The following SLC22A7 variants were observed in gnomAD, a reference collection of about 807,000 sequenced individuals.
SLC22A7 encodes the protein hOAT2.
In SLC22A7, 48 loss-of-function variants were observed where a neutral mutation model predicts 62.2. The observed-to-expected ratio is 0.77, with a 90% confidence interval of 0.61 to 0.98. The LOEUF (loss-of-function observed/expected upper bound fraction) is 0.98, where lower values mean the gene tolerates loss of function less well. Among genes scored for constraint, SLC22A7 ranks in the 50% least tolerant of loss-of-function variants. SLC22A7 has a pLI of 0.00. For missense variants in SLC22A7, 581 were observed against 703.8 expected (o/e 0.83, Z 1.97); for synonymous variants, 276 against 314.8 (o/e 0.88, Z 1.30).
At position 43,305,379 on chromosome 6, in the gene SLC22A7, G is replaced by C; in HGVS notation, c.*654G>C. 3 of 237,954 alleles carry C rather than the reference G, an allele frequency of 1.3e-5. No homozygotes were observed. The highest frequency in any genetic ancestry group is 2.5e-5 in the Non-Finnish European group (3 of 122,184). The allele number at this position is 237,954 out of a possible 1,614,324, so 14.7% of individuals were successfully genotyped here. ...TCTCATGGCTGGCCCTGCTACCTCC[G>C]AGGCACCCTGCAGGGCAATGCATGT... On this transcript the variant is annotated 3_prime_UTR_variant, in exon 11 of 11. Transcript: ENST00000372585.
intron 5 of SLC22A7, 56 bp downstream of exon 5, chr6:43,300,122 A>C (rs1235472984): frequency 6.4e-7 from 1 of 1,561,778 alleles, no homozygotes; most frequent in Non-Finnish European, 8.8e-7. Flanking sequence ...AGATGAGATT[A>C]ATCAGAGCCT....
chr6:43,303,680 A>G (rs1183757752), intron 9 of SLC22A7, among the ~76,000 whole-genome samples: 2 of 152,094 alleles, frequency 1.3e-5, no homozygotes, highest in Non-Finnish European at 1.5e-5. Context: ...GCATCTGGTC[A>G]TGTTTAGAAA....
At chr6:43,300,539 C>A (rs1159793334) in intron 5 of SLC22A7, among the ~76,000 whole-genome samples, 1 of 152,186 alleles carries the variant, frequency 6.6e-6, no homozygotes, top group Non-Finnish European at 1.5e-5. Flanking sequence ...GTGCTGGGAG[C>A]TGGTCTTGAG....
intron 9 of SLC22A7, chr6:43,303,250 C>T (rs1778817433): frequency 2.8e-6 from 2 of 707,822 alleles, no homozygotes; most frequent in Non-Finnish European, 3.5e-6. Flanking sequence ...CACTGAAGGT[C>T]AGGAATTCGA....
upstream of SLC22A7, among the ~76,000 whole-genome samples, chr6:43,296,914 G>A (rs1048280511): frequency 1.3e-5 from 2 of 152,134 alleles, no homozygotes; most frequent in Non-Finnish European, 2.9e-5. Flanking sequence ...GGGTTGAAAG[G>A]GGTGAGACTG....
upstream of SLC22A7, chr6:43,298,201 C>T (rs1012871126): frequency 6.2e-6 from 4 of 648,298 alleles, no homozygotes; most frequent in African/African-American, 7.4e-5. Context: ...CTGGGGAGGG[C>T]CCAGTCCTGG....
At chr6:43,301,317 T>A in intron 6 of SLC22A7, 59 bp downstream of exon 6, 1 of 1,603,274 alleles carries the variant, frequency 6.2e-7, no homozygotes, top group Non-Finnish European at 8.5e-7. Flanking sequence ...GTGGGCTGTG[T>A]CAAGTGCCTC....
chr6:43,303,182 C>T lies in SLC22A7; in HGVS notation c.1385+419C>T, dbSNP rs956430591. On this transcript the variant is annotated intron_variant, in intron 9 of 10. Coordinates refer to ENST00000372585, the MANE Select transcript of SLC22A7 (RefSeq NM_153320.2). ...CTCCTTAAGAAAACAACCCCAAGGC[C>T]GGGCACTGTGGCTCACGCCTGTAAT... The T allele has an allele frequency of 1.2e-5, 12 of 985,012 alleles. No individual in the cohort carries two copies. The Admixed American group carries it at 1.8e-4, about 15-fold the overall frequency. The allele number at this position is 985,012 out of a possible 1,614,324, so 61.0% of individuals were successfully genotyped here.
chr6:43,299,893 C>A lies in SLC22A7; in HGVS notation c.659-5C>A. 6.2e-7 allele frequency: 1 copy of A among 1,614,154 alleles called. No individual in the cohort carries two copies. The highest frequency in any genetic ancestry group is 8.5e-7 in the Non-Finnish European group (1 of 1,180,020). ...ACCATCTTCCTGTCTCCTGTCCTGG[C>A]CCAGAGCTGGAGTGGCTGGATGTGG... is the stretch of plus-strand genomic sequence containing the variant. On this transcript the variant is annotated splice_region_variant and splice_polypyrimidine_tract_variant and intron_variant, in intron 4 of 10. Transcript: ENST00000372585. The surrounding 1 kb of genome is among the most constrained non-coding windows in gnomAD (Gnocchi z 4.4).
intron 7 of SLC22A7, 49 bp downstream of exon 7, chr6:43,301,741 C>T: frequency 7.4e-7 from 1 of 1,358,646 alleles, no homozygotes. Flanking sequence ...GAGGGAGGAG[C>T]AAACTCCAGG....
At chr6:43,301,375 C>A in intron 6 of SLC22A7, 117 bp downstream of exon 6, 2 of 1,454,166 alleles carry the variant, frequency 1.4e-6, no homozygotes, top group Non-Finnish European at 1.9e-6. Context: ...TGGGCCCCCA[C>A]AGAGAGTTCC....
chr6:43,304,509 C>A, intron 10 of SLC22A7, 162 bp from the exon 11 acceptor site: 1 of 625,432 alleles, frequency 1.6e-6, no homozygotes, highest in Non-Finnish European at 2.8e-6. Flanking sequence ...CTCAAGTATG[C>A]CTACACATCA....
rs764779971 is a variant in SLC22A7 at position 43,298,392 on chromosome 6, G to A, written c.34G>A (p.Gly12Ser). The A allele has an allele frequency of 1.3e-5, 21 of 1,613,212 alleles. No individual in the cohort carries two copies. Among genetic ancestry groups the A allele is most frequent in the African/African-American group, 8.0e-5 (6 of 74,920 alleles). ...GFEELLEQVGGFGPFQLRNVA... is the reference protein window; with the variant it reads ...GFEELLEQVGSFGPFQLRNVA... ...TGAGGAGCTGCTGGAGCAGGTGGGCGGCTTTGGGCCCTTCCAACTGCGGAA... is the reference window on the plus strand; with the variant it reads ...TGAGGAGCTGCTGGAGCAGGTGGGCAGCTTTGGGCCCTTCCAACTGCGGAA... Residue 12 changes from glycine to serine, a missense_variant, in exon 1 of 11, where the codon GGC becomes AGC. Physicochemically the swap from Gly to Ser is moderately conservative, Grantham distance 56. Transcript: ENST00000372585.
chr6:43,302,820 C>G lies in SLC22A7; in HGVS notation c.1385+57C>G. 8.6e-7 allele frequency: 1 copy of G among 1,160,664 alleles called. No homozygotes were observed. Among genetic ancestry groups the G allele is most frequent in the South Asian group, 1.3e-5 (1 of 77,768 alleles). The allele number at this position is 1,160,664 out of a possible 1,614,324, so 71.9% of individuals were successfully genotyped here. ...GGGGCTTGTTAGTCACGTGTCTTAACCAACACTTCTACATACACGCACCAC... is the reference window on the plus strand; with the variant it reads ...GGGGCTTGTTAGTCACGTGTCTTAAGCAACACTTCTACATACACGCACCAC... On this transcript the variant is annotated intron_variant, in intron 9 of 10. Coordinates refer to ENST00000372585, the MANE Select transcript of SLC22A7 (RefSeq NM_153320.2). The surrounding 1 kb of genome is among the most constrained non-coding windows in gnomAD (Gnocchi z 5.0).
chr6:43,298,896 G>T (rs70953677), intron 1 of SLC22A7, 145 bp downstream of exon 1: 26,557 of 1,277,942 alleles, frequency 0.021, 340 homozygotes, highest in South Asian at 0.033. Flanking sequence ...TGAATATAAG[G>T]CACTTTTAGT....
At chr6:43,298,779 T>C (rs1368465421) in intron 1 of SLC22A7, 28 bp downstream of exon 1, 7 of 1,516,448 alleles carry the variant, frequency 4.6e-6, no homozygotes. Context: ...TTGAGAGACA[T>C]GTGAGAGGGA....
At chr6:43,301,992 G>A (rs1778768912) in intron 7 of SLC22A7, among the ~76,000 whole-genome samples, 1 of 152,174 alleles carries the variant, frequency 6.6e-6, no homozygotes, top group Non-Finnish European at 1.5e-5. Context: ...TGTCAGGGTT[G>A]CTGTGAAAAT....
chr6:43,301,315 T>A, intron 6 of SLC22A7, 57 bp downstream of exon 6: 1 of 1,604,604 alleles, frequency 6.2e-7, no homozygotes, highest in South Asian at 1.1e-5. Flanking sequence ...GAGTGGGCTG[T>A]GTCAAGTGCC....
chr6:43,301,681 C>T lies in SLC22A7; in HGVS notation c.1050C>T (p.Cys350=), dbSNP rs1036713459. The change falls in exon 7 of 11, where the codon TGC becomes TGT. Residue 350 remains cysteine, a synonymous_variant. Transcript: ENST00000372585. ...GGCTCCGACACATCTCACTGTGCTG[C>T]GTGGTGGTGTGGTGAGGAGGCTGGC... is the stretch of plus-strand genomic sequence containing the variant. ...TPRLRHISLC[C]VVVWFGVNFS... is the part of the protein sequence containing the mutation. 43 of 1,609,822 alleles carry T rather than the reference C, an allele frequency of 2.7e-5. No individual in the cohort carries two copies. Among genetic ancestry groups the T allele is most frequent in the African/African-American group, 4.0e-5 (3 of 74,794 alleles).
Sources: gnomAD v4.1 joint callset for allele counts (sites outside exome capture counted in the v4.1 genomes callset) on GRCh38, gnomAD v4.1.1 for gene constraint, Gnocchi (gnomAD v3.1) non-coding constraint, MANE v1.5 for transcripts, NCBI Gene and HGNC (gene_info 2026-07-23, HGNC 2026-07-21) for gene names.